Variants in ZBBX observed in about 807,000 individuals in gnomAD.
ZBBX encodes zinc finger B-box domain-containing protein 1.
Under a neutral mutation model 108.5 loss-of-function variants are expected in ZBBX, and 101 were observed. The observed-to-expected ratio is 0.93, with a 90% confidence interval of 0.79 to 1.10. The LOEUF is 1.10. Ranked by LOEUF, ZBBX falls within the 50% of genes least tolerant of loss-of-function variation. ZBBX has a pLI of 0.00. For synonymous variants in ZBBX, 356 were observed against 323.4 expected (o/e 1.10, Z -1.08); for missense variants, 1,009 against 941.4 (o/e 1.07, Z -0.94).
At chr3:167,353,463 A>G (rs2108508870) in intron 8 of ZBBX, among the ~76,000 whole-genome samples, 1 of 152,170 alleles carries the variant, frequency 6.6e-6, no homozygotes, top group South Asian at 2.1e-4. Context: ...AAACACATGG[A>G]CATACAGAGT....
At chr3:167,391,564 C>T (rs1748085602) in intron 1 of ZBBX, among the ~76,000 whole-genome samples, 1 of 151,946 alleles carries the variant, frequency 6.6e-6, no homozygotes, top group Non-Finnish European at 1.5e-5. Context: ...GGAATGGTAC[C>T]AGCTCCTCTT....
At chr3:167,379,121 A>AATT (rs1747424387) in intron 2 of ZBBX, among the ~76,000 whole-genome samples, 4 of 152,042 alleles carry the variant, frequency 2.6e-5, no homozygotes, top group African/African-American at 9.7e-5. Context: ...CCTACGGAAA[A>AATT]AATTAAACAC....
chr3:167,402,266 TA>T (rs1029929382), intron 1 of ZBBX, among the ~76,000 whole-genome samples: 1 of 152,134 alleles, frequency 6.6e-6, no homozygotes, highest in African/African-American at 2.4e-5. Flanking sequence ...ACCTGAAATT[TA>T]AAAATTCAAA....
rs151010059 is a variant in ZBBX at position 167,352,811 on chromosome 3, G to T, written c.433-2296C>A. Among the ~76,000 whole-genome samples, 251 of 150,942 alleles carry T rather than the reference G, an allele frequency of 1.7e-3. 1 individual carries two copies. Among genetic ancestry groups the T allele is most frequent in the Non-Finnish European group, 3.1e-3 (207 of 67,812 alleles). On this transcript the variant is annotated intron_variant, in intron 8 of 21. Coordinates refer to ENST00000675490, the MANE Select transcript of ZBBX (RefSeq NM_001199201.2). ...AGTGGGTTTTATCCAGGGGATGGGG[G>T]ATGTTTCAACATATGCAAACCAATA...
intron 1 of ZBBX, among the ~76,000 whole-genome samples, chr3:167,394,903 G>C (rs571469497): frequency 1.2e-4 from 19 of 152,084 alleles, no homozygotes; most frequent in African/African-American, 4.3e-4. Flanking sequence ...ATCATATATG[G>C]AAGCACCACC....
At chr3:167,344,603 G>C (rs563498698) in intron 9 of ZBBX, among the ~76,000 whole-genome samples, 1 of 151,808 alleles carries the variant, frequency 6.6e-6, no homozygotes, top group African/African-American at 2.4e-5. Flanking sequence ...AGGAATAACA[G>C]TTTGCCAGCA....
chr3:167,223,397 A>G, the ZBBX span, among the ~76,000 whole-genome samples: 1 of 152,024 alleles, frequency 6.6e-6, no homozygotes, highest in South Asian at 2.1e-4. Flanking sequence ...TAAAAAGCCA[A>G]TTAGACTTTT....
chr3:167,297,950 A>G (rs1361649733), intron 18 of ZBBX, among the ~76,000 whole-genome samples: 3 of 152,042 alleles, frequency 2.0e-5, no homozygotes, highest in African/African-American at 7.2e-5. Flanking sequence ...TGTTGGCAGT[A>G]ATGTAAAACA....
intron 20 of ZBBX, among the ~76,000 whole-genome samples, chr3:167,276,901 A>T (rs1362628519): frequency 1.3e-5 from 2 of 152,226 alleles, no homozygotes; most frequent in African/African-American, 4.8e-5. Context: ...ATCTCTCGGT[A>T]GAAACTCTAC....
the ZBBX span, among the ~76,000 whole-genome samples, chr3:167,196,340 G>A: frequency 6.6e-6 from 1 of 152,176 alleles, no homozygotes; most frequent in African/African-American, 2.4e-5. Context: ...AATGGAGCAA[G>A]AGGAAAATTT....
At chr3:167,368,023 C>A (rs1674876421) in intron 5 of ZBBX, among the ~76,000 whole-genome samples, 1 of 142,716 alleles carries the variant, frequency 7.0e-6, no homozygotes, top group African/African-American at 2.6e-5. Context: ...TTTTTCAGAT[C>A]TTCATTATGT....
intron 8 of ZBBX, among the ~76,000 whole-genome samples, chr3:167,358,660 G>A (rs920986805): frequency 6.6e-6 from 1 of 152,002 alleles, no homozygotes; most frequent in Non-Finnish European, 1.5e-5. Flanking sequence ...ATATAGTCTA[G>A]GCGTGGTGGC....
chr3:167,382,372 A>T (rs1363916946), upstream of ZBBX, among the ~76,000 whole-genome samples: 2 of 152,208 alleles, frequency 1.3e-5, no homozygotes, highest in East Asian at 3.8e-4. Flanking sequence ...TCTCCACTGA[A>T]GTAAAATGCG....
At chr3:167,233,313 T>C in the ZBBX span, among the ~76,000 whole-genome samples, 1 of 151,828 alleles carries the variant, frequency 6.6e-6, no homozygotes, top group African/African-American at 2.4e-5. Context: ...ATCTAGCTTC[T>C]AGAGTTAAAT....
Position 167,298,468 on chromosome 3 carries a change from A to G in ZBBX, c.1726-10T>C, listed in dbSNP as rs762728153. ...CTATTTCTTGTAACAACTAAGAAAC[A>G]AAATATTCAACAATATTATTTTCTA... On this transcript the variant is annotated splice_polypyrimidine_tract_variant and intron_variant, in intron 17 of 21. Transcript: ENST00000675490. The G allele has an allele frequency of 1.4e-6, 2 of 1,459,878 alleles. No individual in the cohort carries two copies. The highest frequency in any genetic ancestry group is 2.4e-5 in the East Asian group (1 of 40,918). 90.4% of individuals were successfully genotyped at this position (1,459,878 alleles called of 1,614,324 possible).
intron 1 of ZBBX, among the ~76,000 whole-genome samples, chr3:167,393,832 G>A (rs370968727): frequency 4.0e-5 from 6 of 151,770 alleles, no homozygotes; most frequent in Admixed American, 3.3e-4. Flanking sequence ...CTAAAGCCGC[G>A]TAACCTTTTT....
intron 5 of ZBBX, among the ~76,000 whole-genome samples, chr3:167,368,148 G>A (rs1745622121): frequency 6.6e-6 from 1 of 151,356 alleles, no homozygotes; most frequent in African/African-American, 2.4e-5. Context: ...AAGGTAAAGT[G>A]TGCACTGCTG....
At chr3:167,404,424 C>T (rs1748519303) in intron 1 of ZBBX, among the ~76,000 whole-genome samples, 1 of 152,048 alleles carries the variant, frequency 6.6e-6, no homozygotes, top group South Asian at 2.1e-4. Flanking sequence ...CATTGCTCGC[C>T]ACACAGAAAA....
At chr3:167,395,308 A>C (rs1297277638) in intron 1 of ZBBX, among the ~76,000 whole-genome samples, 1 of 152,048 alleles carries the variant, frequency 6.6e-6, no homozygotes, top group Non-Finnish European at 1.5e-5. Flanking sequence ...AAGTTTTATA[A>C]ATAACAGTTA....
Sources: gnomAD v4.1 joint callset for allele counts (sites outside exome capture counted in the v4.1 genomes callset) on GRCh38, gnomAD v4.1.1 for gene constraint, MANE v1.5 for transcripts, NCBI Gene and HGNC (gene_info 2026-07-23, HGNC 2026-07-21) for gene names.